MYO15B: variants seen among roughly 807,000 people sequenced by gnomAD.
MYO15B encodes the protein myosin XVB pseudogene.
MYO15B carries 207 observed loss-of-function variants against 119.3 expected under a neutral mutation model. The observed-to-expected ratio is 1.73, with a 90% CI of 1.55 to 1.95. MYO15B has a LOEUF of 1.95. Ranked by LOEUF, MYO15B falls within the 30% of genes most tolerant of loss-of-function variation. The probability of loss-of-function intolerance (pLI) is 0.00; values close to 1 mark genes in which losing one functional copy is unlikely to be tolerated. For missense variants in MYO15B, 2,264 were observed against 1,203.1 expected (o/e 1.88, Z -13.04); for synonymous variants, 966 against 498.9 (o/e 1.94, Z -12.48).
exon 43 of MYO15B, chr17:75,618,155 T>A (rs2058490529): frequency 2.8e-6 from 2 of 703,236 alleles, no homozygotes; most frequent in Non-Finnish European, 5.2e-6. Flanking sequence ...ACTTCAGCCA[T>A]CCCTACTACC....
At position 75,624,936 on chromosome 17, in the gene MYO15B, A is replaced by G. The variant is rs1402969478; in HGVS notation, c.8688+20A>G. On this transcript the variant is annotated intron_variant, in intron 59 of 63. Transcript: ENST00000645453. ...AGCCAGGTCAGCCTGCCTGCCTCCG[A>G]GCTGCTGCTGCAGTTTGAGGGCGCG... The G allele has an allele frequency of 2.9e-6, 2 of 700,796 alleles. No homozygotes were observed. Among genetic ancestry groups the G allele is most frequent in the Non-Finnish European group, 5.2e-6 (2 of 383,236 alleles). The allele number at this position is 700,796 out of a possible 1,614,324, so 43.4% of individuals were successfully genotyped here. A position where few individuals can be genotyped will look rare whatever the true frequency, so the allele number is the denominator to read the frequency against.
chr17:75,607,435 ATT>A (rs945560023), intron 21 of MYO15B, among the ~76,000 whole-genome samples: 24 of 5,226 alleles, frequency 4.6e-3, no homozygotes, highest in Non-Finnish European at 5.7e-3. Context: ...ATAATTAATT[ATT>A]ATTATTATTA....
chr17:75,602,728 C>T (rs1020130265), intron 16 of MYO15B, 102 bp from the exon 17 acceptor site: 2 of 604,750 alleles, frequency 3.3e-6, no homozygotes, highest in Non-Finnish European at 5.9e-6. Flanking sequence ...CTGAGCTTGC[C>T]AGGGTCTGGA....
intron 19 of MYO15B, 88 bp downstream of exon 19, chr17:75,603,400 C>G (rs2057411303): frequency 1.5e-6 from 1 of 670,460 alleles, no homozygotes; most frequent in Admixed American, 2.1e-5. Flanking sequence ...TGGAGATGGA[C>G]TCACTCTGCC....
chr17:75,599,710 C>T (rs2057117398), intron 14 of MYO15B, among the ~76,000 whole-genome samples: 1 of 151,576 alleles, frequency 6.6e-6, no homozygotes, highest in Admixed American at 6.6e-5. Context: ...ATCGAGACCA[C>T]AGTGTAAACC....
chr17:75,612,206 A>G (rs1479636608), intron 25 of MYO15B, among the ~76,000 whole-genome samples, 190 bp downstream of exon 25: 2 of 152,198 alleles, frequency 1.3e-5, no homozygotes, highest in Admixed American at 1.3e-4. Flanking sequence ...ATAGAGCGTT[A>G]CTGGAGATAA....
chr17:75,624,373 G>A (rs1178493881), exon 57 of MYO15B: 2 of 702,606 alleles, frequency 2.8e-6, no homozygotes, highest in Admixed American at 4.0e-5. Flanking sequence ...TTGGCAGAAA[G>A]GACAAGCGAT....
exon 13 of MYO15B, chr17:75,596,465 G>A: frequency 1.4e-6 from 1 of 702,876 alleles, no homozygotes; most frequent in South Asian, 1.5e-5. Context: ...CCCAGGCCCT[G>A]CGGGTGAATG....
intron 19 of MYO15B, among the ~76,000 whole-genome samples, chr17:75,604,004 A>G (rs1029204457): frequency 2.6e-5 from 4 of 152,160 alleles, no homozygotes; most frequent in African/African-American, 9.7e-5. Flanking sequence ...TACTAGGAGC[A>G]GCAGCCTCAC....
In MYO15B at chr17:75,602,599, C is replaced by G; in HGVS notation, c.3729+5C>G. 1 of 665,582 alleles carries G rather than the reference C, an allele frequency of 1.5e-6. No homozygotes were observed. The highest frequency in any genetic ancestry group is 2.7e-6 in the Non-Finnish European group (1 of 365,460). The allele number at this position is 665,582 out of a possible 1,614,324, so 41.2% of individuals were successfully genotyped here. On this transcript the variant is annotated splice_donor_5th_base_variant and intron_variant, in intron 16 of 63. Transcript: ENST00000645453. ...CTTGGCCAGAGCCAGCTCCAGGTGC[C>G]CATCTGCCCTTCCAGGCCCCCACCC... is the stretch of plus-strand genomic sequence containing the variant.
chr17:75,601,645 G>T, intron 15 of MYO15B, 82 bp downstream of exon 15: 1 of 665,352 alleles, frequency 1.5e-6, no homozygotes, highest in Non-Finnish European at 2.8e-6. Flanking sequence ...CAGCGGAGAG[G>T]AGTGGGTGTG....
At chr17:75,608,008 T>C (rs372455546) in intron 21 of MYO15B, among the ~76,000 whole-genome samples, 1 of 152,194 alleles carries the variant, frequency 6.6e-6, no homozygotes, top group East Asian at 1.9e-4. Context: ...TGGCATCTCA[T>C]TATGGCTTTG....
chr17:75,620,000 T>C, exon 47 of MYO15B: 1 of 702,358 alleles, frequency 1.4e-6, no homozygotes, highest in South Asian at 1.5e-5. Flanking sequence ...GGTTGAGCTA[T>C]TCCTGAATGA....
chr17:75,622,976 G>A (rs887005057), intron 53 of MYO15B, among the ~76,000 whole-genome samples: 1 of 152,178 alleles, frequency 6.6e-6, no homozygotes, highest in African/African-American at 2.4e-5. Flanking sequence ...AGAGGTTCAA[G>A]GGCACAGCAC....
intron 9 of MYO15B, among the ~76,000 whole-genome samples, chr17:75,594,076 T>G (rs1598717423): frequency 1.7e-5 from 2 of 120,244 alleles, no homozygotes; most frequent in South Asian, 2.6e-4. Context: ...GGTAACAGAG[T>G]GAGACCCTGT....
chr17:75,590,617 T>G lies in MYO15B; in HGVS notation c.2187-9T>G. The G allele has an allele frequency of 4.6e-6, 1 of 217,658 alleles. No homozygotes were observed. 13.5% of individuals were successfully genotyped at this position (217,658 alleles called of 1,614,324 possible). ...AACTTGTCATGCCTCCACCCTGTTG[T>G]CCCTACAGGCTGGTGTGTGACAGCT... On this transcript the variant is annotated splice_polypyrimidine_tract_variant and intron_variant, in intron 1 of 63. Coordinates refer to ENST00000645453, the Ensembl canonical transcript of MYO15B.
rs2056298046 is a variant in MYO15B, at chr17:75,589,476, A to C, written c.1419A>C (p.Arg473Ser). The C allele has an allele frequency of 2.3e-5, 9 of 386,242 alleles. No individual in the cohort carries two copies. The highest frequency in any genetic ancestry group is 1.3e-4 in the African/African-American group (6 of 44,456). The allele number at this position is 386,242 out of a possible 1,614,324, so 23.9% of individuals were successfully genotyped here. A position where few individuals can be genotyped will look rare whatever the true frequency, so the allele number is the denominator to read the frequency against. The change falls in exon 1 of 64, where the codon AGA becomes AGC. Residue 473 changes from arginine to serine, a missense_variant. Arg to Ser is a moderately radical substitution (Grantham distance 110, BLOSUM62 -1). Transcript: ENST00000645453. The surrounding 1 kb of genome is among the most constrained non-coding windows in gnomAD (Gnocchi z 4.2). ...CGGACGAGGGGCGGGGTCACGAGAG[A>C]GGTGACGAGGGCCGGGACCACCAGA... is the stretch of plus-strand genomic sequence containing the variant.
rs762875330 is a variant in MYO15B, at chr17:75,594,987, T to G, written c.3297+15T>G. The G allele has an allele frequency of 2.4e-5, 17 of 702,496 alleles. No individual in the cohort carries two copies. The East Asian group carries it at 4.6e-4, about 19-fold the overall frequency. 43.5% of individuals were successfully genotyped at this position (702,496 alleles called of 1,614,324 possible). A position where few individuals can be genotyped will look rare whatever the true frequency, so the allele number is the denominator to read the frequency against. On this transcript the variant is annotated intron_variant, in intron 12 of 63. Transcript: ENST00000645453. ...ACGGCTTTGAGGTCACCCCTTGGGG[T>G]GGGGCCCAGGAAAGGGGGCACCCAT...
At chr17:75,604,499 C>T (rs1240153258) in intron 19 of MYO15B, among the ~76,000 whole-genome samples, 2 of 133,876 alleles carry the variant, frequency 1.5e-5, no homozygotes, top group African/African-American at 2.8e-5. Flanking sequence ...CCACGTCCCT[C>T]CCTCCCACGC....
Sources: allele counts gnomAD v4.1 joint callset (sites outside exome capture counted in the v4.1 genomes callset), GRCh38; gene constraint gnomAD v4.1.1; non-coding constraint Gnocchi (gnomAD v3.1); transcripts MANE v1.5; gene names NCBI Gene and HGNC (gene_info 2026-07-23, HGNC 2026-07-21).